Variants in ABCA13 observed in about 807,000 individuals in gnomAD.
ABCA13 encodes ATP-binding cassette sub-family A member 13.
In ABCA13, 476 loss-of-function variants were observed where a neutral mutation model predicts 478.7. The observed-to-expected ratio is 0.99, with a 90% confidence interval of 0.92 to 1.07. The LOEUF is 1.07. ABCA13 is among the 50% of genes least tolerant of loss of function. The pLI is 0.00. For missense variants in ABCA13, 6,060 were observed against 5,910.6 expected (o/e 1.03, Z -0.83); for synonymous variants, 2,252 against 2,158.9 (o/e 1.04, Z -1.20).
chr7:48,330,227 A>G (rs1401554950), intron 27 of ABCA13, among the ~76,000 whole-genome samples: 2 of 151,490 alleles, frequency 1.3e-5, no homozygotes, highest in Non-Finnish European at 2.9e-5. Context: ...CTATTCATCC[A>G]TTCACATATC....
At chr7:48,508,589 G>T (rs1423370574) in intron 50 of ABCA13, among the ~76,000 whole-genome samples, 1 of 152,004 alleles carries the variant, frequency 6.6e-6, no homozygotes, top group Non-Finnish European at 1.5e-5. Context: ...TTTATCTTAA[G>T]TAAAAAAAAG....
In ABCA13 at chr7:48,507,734, G is replaced by A. The variant is rs952631082; in HGVS notation, c.13347-138G>A. On this transcript the variant is annotated intron_variant, in intron 49 of 61. Coordinates refer to ENST00000435803, the MANE Select transcript of ABCA13 (RefSeq NM_152701.5). ...GAGGGGATTTAATGAGGGAATCCAT[G>A]CCCTTAGCCAACATGCCTGGCTGAT... The A allele has an allele frequency of 6.6e-5, 65 of 988,254 alleles. No homozygotes were observed. In the African/African-American group the frequency reaches 1.0e-3, roughly 15 times the overall value. 61.2% of individuals were successfully genotyped at this position (988,254 alleles called of 1,614,324 possible).
chr7:48,488,314 G>C (rs1829531996), intron 47 of ABCA13, among the ~76,000 whole-genome samples: 1 of 150,708 alleles, frequency 6.6e-6, no homozygotes, highest in Non-Finnish European at 1.5e-5. Flanking sequence ...AAACACAATA[G>C]CTGCCACACA....
chr7:48,204,639 T>G lies in ABCA13; in HGVS notation c.287+6279T>G, dbSNP rs184001558. On this transcript the variant is annotated intron_variant, in intron 3 of 61. Coordinates refer to ENST00000435803, the MANE Select transcript of ABCA13 (RefSeq NM_152701.5). ...TGGGGCCCTCCACAATGATGAGTACTCCCCTCCCCTTCCTCCGCACCTTCC... is the reference window on the plus strand; with the variant it reads ...TGGGGCCCTCCACAATGATGAGTACGCCCCTCCCCTTCCTCCGCACCTTCC... 9.9e-4 allele frequency among the ~76,000 whole-genome samples: 151 copies of G among 152,280 alleles called. 1 individual carries two copies. Among genetic ancestry groups the G allele is most frequent in the African/African-American group, 3.4e-3 (140 of 41,566 alleles).
Position 48,272,664 on chromosome 7 carries a change from A to G in ABCA13, c.2998A>G (p.Lys1000Glu). The change falls in exon 17 of 62, where the codon AAA becomes GAA. Residue 1000 changes from lysine (K) to glutamate (E), a missense_variant. By Grantham distance (56) the Lys-to-Glu change is moderately conservative. Transcript: ENST00000435803. ...CTCAAAACACATTTTGGATATCATA[A>G]AACAATTTAATTTCCAAAACATCAG... ...QISKHILDII[K>E]QFNFQNISKA... The G allele has an allele frequency of 6.2e-7, 1 of 1,613,018 alleles. No homozygotes were observed. The highest frequency in any genetic ancestry group is 8.5e-7 in the Non-Finnish European group (1 of 1,179,374).
chr7:48,601,158 T>C (rs1790855955), intron 58 of ABCA13, among the ~76,000 whole-genome samples: 6 of 152,170 alleles, frequency 3.9e-5, no homozygotes, highest in Admixed American at 3.3e-4. Flanking sequence ...TTTATTTTTT[T>C]TATAATTTTT....
intron 41 of ABCA13, among the ~76,000 whole-genome samples, chr7:48,418,764 T>C (rs896849350): frequency 6.6e-6 from 1 of 152,370 alleles, no homozygotes; most frequent in East Asian, 1.9e-4. Flanking sequence ...TGGTGTATTT[T>C]CAGATTAGAC....
At chr7:48,504,377 GT>G (rs1372013309) in intron 48 of ABCA13, among the ~76,000 whole-genome samples, 2 of 152,152 alleles carry the variant, frequency 1.3e-5, no homozygotes, top group Non-Finnish European at 2.9e-5. Flanking sequence ...GGATGCACAT[GT>G]TTGTGAGTGA....
Position 48,353,747 on chromosome 7 carries a change from G to T in ABCA13, c.10688+1260G>T, listed in dbSNP as rs143633176. 4.3e-4 allele frequency among the ~76,000 whole-genome samples: 66 copies of T among 152,002 alleles called. No homozygotes were observed. In the East Asian group the frequency reaches 0.012, roughly 28 times the overall value. On this transcript the variant is annotated intron_variant, in intron 31 of 61. Coordinates refer to ENST00000435803, the MANE Select transcript of ABCA13 (RefSeq NM_152701.5). The stretch of plus-strand genomic sequence containing the variant: ...CAGGAAGGACTTTCCCACAGTGGGA[G>T]GATAAAAGGCTGAAGACCACCTGAT...
Position 48,275,280 on chromosome 7 carries a change from C to T in ABCA13, c.5614C>T (p.Pro1872Ser), listed in dbSNP as rs768942943. The change falls in exon 17 of 62, where the codon CCA becomes TCA. Residue 1872 changes from proline to serine, a missense_variant. By Grantham distance (74) the Pro-to-Ser change is moderately conservative. Transcript: ENST00000435803. ...FHLSPQGEDS[P>S]CSNESSRMEI... ...CCTGTCTCCCCAAGGTGAAGATTCACCATGTTCAAATGAAAGCTCCCGAAT... is the reference window on the plus strand; with the variant it reads ...CCTGTCTCCCCAAGGTGAAGATTCATCATGTTCAAATGAAAGCTCCCGAAT... The T allele has an allele frequency of 1.2e-6, 2 of 1,613,854 alleles. No individual in the cohort carries two copies. The highest frequency in any genetic ancestry group is 2.2e-5 in the South Asian group (2 of 91,072).
At position 48,275,732 on chromosome 7, in the gene ABCA13, A is replaced by G. The variant is rs1159453090; in HGVS notation, c.6066A>G (p.Leu2022=). The G allele has an allele frequency of 2.5e-6, 4 of 1,605,736 alleles. No individual in the cohort carries two copies. The highest frequency in any genetic ancestry group is 1.3e-5 in the African/African-American group (1 of 74,766). ...GCCTAGAAAAAAGTACGCATAATCT[A>G]CTCTCTTTATTCATGATGCTCCAGA... ...DWSLEKSTHN[L]LSLFMMLQNA... is the part of the protein sequence containing the mutation. The change falls in exon 17 of 62, where the codon CTA becomes CTG. Residue 2022 remains leucine (L), a synonymous_variant. Coordinates refer to ENST00000435803, the MANE Select transcript of ABCA13 (RefSeq NM_152701.5).
At chr7:48,437,274 T>G (rs768913797) in intron 42 of ABCA13, among the ~76,000 whole-genome samples, 3 of 152,028 alleles carry the variant, frequency 2.0e-5, no homozygotes, top group Non-Finnish European at 4.4e-5. Context: ...CAACATAATG[T>G]TCTTTGTCTT....
intron 42 of ABCA13, among the ~76,000 whole-genome samples, chr7:48,443,856 C>T (rs1823944138): frequency 6.6e-6 from 1 of 151,756 alleles, no homozygotes; most frequent in Non-Finnish European, 1.5e-5. Flanking sequence ...CCTCTCCCAC[C>T]TGCATCCTCT....
chr7:48,484,050 C>T (rs1829048565), intron 47 of ABCA13, among the ~76,000 whole-genome samples: 1 of 152,164 alleles, frequency 6.6e-6, no homozygotes, highest in Non-Finnish European at 1.5e-5. Flanking sequence ...CCCAGGAAGG[C>T]ACTCTCTCTC....
chr7:48,307,708 T>A (rs1041263279), intron 23 of ABCA13, among the ~76,000 whole-genome samples: 3 of 152,154 alleles, frequency 2.0e-5, no homozygotes, highest in African/African-American at 4.8e-5. Context: ...TAAGACAGAG[T>A]CTTGCTCTGT....
At chr7:48,221,428 T>C (rs36072375) in intron 5 of ABCA13, 119 bp downstream of exon 5, 12,508 of 530,144 alleles carry the variant, frequency 0.024, 250 homozygotes, top group South Asian at 0.061. Context: ...ATAACAATTG[T>C]ATAGAAGCTG....
At chr7:48,265,237 C>CT (rs201822569) in intron 15 of ABCA13, among the ~76,000 whole-genome samples, 7 of 151,040 alleles carry the variant, frequency 4.6e-5, no homozygotes, top group Admixed American at 2.6e-4. Flanking sequence ...TAATTTTGTT[C>CT]TTTTTTTTAA....
chr7:48,312,611 T>C (rs1426714223), intron 24 of ABCA13, among the ~76,000 whole-genome samples: 1 of 152,208 alleles, frequency 6.6e-6, no homozygotes, highest in African/African-American at 2.4e-5. Context: ...GCCCCAGTTT[T>C]CTCATCCACA....
rs559528416 is a variant in ABCA13, at chr7:48,605,089, C to T, written c.14745-10196C>T. Among the ~76,000 whole-genome samples, 4 of 152,210 alleles carry T rather than the reference C, an allele frequency of 2.6e-5. No individual in the cohort carries two copies. The East Asian group carries it at 7.7e-4, about 29-fold the overall frequency. Reference sequence around the variant, plus strand: ...GCTTTCCATTTGCTTGGTAAATATTCCTCCATCCCTTTATTTTGAGCCTAT... The same window carrying T: ...GCTTTCCATTTGCTTGGTAAATATTTCTCCATCCCTTTATTTTGAGCCTAT... On this transcript the variant is annotated intron_variant, in intron 58 of 61. Transcript: ENST00000435803.
Sources: allele counts gnomAD v4.1 joint callset (sites outside exome capture counted in the v4.1 genomes callset), GRCh38; gene constraint gnomAD v4.1.1; transcripts MANE v1.5; gene names NCBI Gene and HGNC (gene_info 2026-07-23, HGNC 2026-07-21).